KIF16B: variants seen among roughly 807,000 people sequenced by gnomAD.
KIF16B encodes kinesin family member 16B, also known as kinesin-like protein KIF16B.
A neutral mutation model predicts 156.3 loss-of-function variants in KIF16B; 98 were observed. That is an observed-to-expected ratio of 0.63 (90% CI 0.53 to 0.74). KIF16B has a LOEUF of 0.74. KIF16B is among the 30% of genes least tolerant of loss of function. KIF16B has a pLI of 0.00. For synonymous variants in KIF16B, 564 were observed against 583.7 expected (o/e 0.97, Z 0.49); for missense variants, 1,421 against 1,606.5 (o/e 0.88, Z 1.97).
chr20:16,571,238 A>T (rs187184563), intron 1 of KIF16B, among the ~76,000 whole-genome samples: 6 of 152,230 alleles, frequency 3.9e-5, no homozygotes, highest in Admixed American at 3.9e-4. Flanking sequence ...TGAGCTGCCA[A>T]ATCCTGCCAA....
At chr20:16,295,861 T>C (rs925378430) in intron 25 of KIF16B, among the ~76,000 whole-genome samples, 10 of 152,218 alleles carry the variant, frequency 6.6e-5, no homozygotes, top group African/African-American at 1.9e-4. Context: ...ATGGTACATA[T>C]GATTCAAAAT....
At position 16,379,509 on chromosome 20, in the gene KIF16B, C is replaced by A; in HGVS notation, c.2493G>T (p.Arg831Ser). ...CCAAGTTCACTAGCTTGACAAGCTG[C>A]CTTCTCTTGAATTCGAAGAAACGCA... ...AQLRFFEFKRRQLVKLVNLEK... is the reference protein window; with the variant it reads ...AQLRFFEFKRSQLVKLVNLEK... Residue 831 changes from arginine to serine, a missense_variant, in exon 19 of 26, where the codon AGG becomes AGT. By Grantham distance (110) the Arg-to-Ser change is moderately radical (BLOSUM62 -1). Transcript: ENST00000354981. 1.2e-6 allele frequency: 2 copies of A among 1,614,164 alleles called. No homozygotes were observed. The highest frequency in any genetic ancestry group is 1.7e-6 in the Non-Finnish European group (2 of 1,180,030).
chr20:16,451,172 G>A (rs1380838248), intron 12 of KIF16B, among the ~76,000 whole-genome samples: 5 of 152,200 alleles, frequency 3.3e-5, no homozygotes, highest in Admixed American at 1.3e-4. Flanking sequence ...AGAGCAAGTC[G>A]TTCAGCGTCG....
intron 12 of KIF16B, among the ~76,000 whole-genome samples, chr20:16,432,637 G>C (rs1568975851): frequency 6.6e-6 from 1 of 152,144 alleles, no homozygotes; most frequent in African/African-American, 2.4e-5. Flanking sequence ...GGGGCAGGGA[G>C]GTGGAGAGAG....
At chr20:16,346,866 G>A (rs1433060708) in intron 23 of KIF16B, among the ~76,000 whole-genome samples, 1 of 152,142 alleles carries the variant, frequency 6.6e-6, no homozygotes, top group African/African-American at 2.4e-5. Context: ...TTGCGAGAAT[G>A]ACAGTCTAAG....
chr20:16,335,615 A>C (rs1239577314), intron 24 of KIF16B, among the ~76,000 whole-genome samples: 2 of 152,214 alleles, frequency 1.3e-5, no homozygotes. Context: ...TTATAAATTG[A>C]TTAAAATATG....
At chr20:16,545,366 A>AT (rs2070366042) in intron 1 of KIF16B, among the ~76,000 whole-genome samples, 2 of 150,584 alleles carry the variant, frequency 1.3e-5, no homozygotes, top group African/African-American at 4.9e-5. Context: ...CCTCATCTCT[A>AT]TTTAAAAAAA....
intron 22 of KIF16B, chr20:16,367,910 CA>C (rs936508323): frequency 1.4e-6 from 2 of 1,474,204 alleles, no homozygotes; most frequent in African/African-American, 2.8e-5. Context: ...CTCTGTCCAC[CA>C]AAGCCAATCT....
At chr20:16,470,708 G>A (rs549206482) in intron 12 of KIF16B, among the ~76,000 whole-genome samples, 1 of 151,100 alleles carries the variant, frequency 6.6e-6, no homozygotes, top group African/African-American at 2.4e-5. Context: ...TGTTGCCCAG[G>A]CTGGTCTTGA....
At position 16,488,082 on chromosome 20, in the gene KIF16B, T is replaced by C. The variant is rs1301190374; in HGVS notation, c.1302+6209A>G. Among the ~76,000 whole-genome samples the C allele has an allele frequency of 3.3e-5, 5 of 152,170 alleles. No individual in the cohort carries two copies. The South Asian group carries it at 6.2e-4, about 19-fold the overall frequency. The stretch of plus-strand genomic sequence containing the variant: ...GCTGCCACACCACAGTCAAAAGCCC[T>C]GTGCAGGCAATGAAAACACCAAAGC... On this transcript the variant is annotated intron_variant, in intron 12 of 25. Transcript: ENST00000354981.
intron 12 of KIF16B, 141 bp downstream of exon 12, chr20:16,494,150 C>T: frequency 1.6e-6 from 1 of 611,110 alleles, no homozygotes; most frequent in South Asian, 2.0e-5. Flanking sequence ...AACTCCCATC[C>T]CATGAAAGTC....
intron 1 of KIF16B, among the ~76,000 whole-genome samples, chr20:16,557,088 CTATA>C (rs1186976154): frequency 1.3e-5 from 2 of 148,804 alleles, no homozygotes; most frequent in Non-Finnish European, 3.0e-5. Context: ...CTCATTAATA[CTATA>C]TATAGTATTA....
chr20:16,518,843 CCAT>C (rs1038533049), intron 3 of KIF16B, among the ~76,000 whole-genome samples: 10 of 152,054 alleles, frequency 6.6e-5, no homozygotes, highest in Admixed American at 5.2e-4. Context: ...CACACACACA[CCAT>C]GCTACACTAG....
chr20:16,439,564 C>T (rs757158922), intron 12 of KIF16B, among the ~76,000 whole-genome samples: 1 of 152,144 alleles, frequency 6.6e-6, no homozygotes, highest in Non-Finnish European at 1.5e-5. Flanking sequence ...CCATAGCTTG[C>T]CCTTTCTTGT....
chr20:16,400,884 T>A (rs2065638102), intron 17 of KIF16B, among the ~76,000 whole-genome samples: 1 of 151,960 alleles, frequency 6.6e-6, no homozygotes, highest in Non-Finnish European at 1.5e-5. Context: ...GAGTACAGAG[T>A]TTTAGTTTGG....
intron 12 of KIF16B, among the ~76,000 whole-genome samples, chr20:16,441,622 GC>G (rs2066803580): frequency 6.6e-6 from 1 of 152,168 alleles, no homozygotes; most frequent in African/African-American, 2.4e-5. Flanking sequence ...CATCTCAGGA[GC>G]AGGATCCAGG....
intron 1 of KIF16B, among the ~76,000 whole-genome samples, chr20:16,559,086 T>TGTACTATATATTTAAACAA (rs1555802574): frequency 5.3e-4 from 81 of 152,116 alleles, no homozygotes; most frequent in Non-Finnish European, 1.0e-3. Context: ...CTATAGGCAT[T>TGTACTATATATTTAAACAA]GAGTTTGCAA....
At chr20:16,465,014 T>A (rs2067448490) in intron 12 of KIF16B, among the ~76,000 whole-genome samples, 1 of 152,188 alleles carries the variant, frequency 6.6e-6, no homozygotes. Context: ...CTTTGATAAA[T>A]CTAACTGTTA....
At chr20:16,436,637 T>C (rs2066648465) in intron 12 of KIF16B, among the ~76,000 whole-genome samples, 2 of 152,324 alleles carry the variant, frequency 1.3e-5, no homozygotes, top group East Asian at 3.9e-4. Flanking sequence ...GAATATCCCC[T>C]TCACAATCTT....
Sources: gnomAD v4.1 joint callset for allele counts (sites outside exome capture counted in the v4.1 genomes callset) on GRCh38, gnomAD v4.1.1 for gene constraint, MANE v1.5 for transcripts, NCBI Gene and HGNC (gene_info 2026-07-23, HGNC 2026-07-21) for gene names.